Variants in TTC3 observed in about 807,000 individuals in gnomAD.
The protein encoded by TTC3 is tetratricopeptide repeat domain 3, also known as E3 ubiquitin-protein ligase TTC3.
In TTC3, 180 loss-of-function variants were observed where a neutral mutation model predicts 249.6. That is an observed-to-expected ratio of 0.72 (90% CI 0.64 to 0.82). The LOEUF is 0.82. Among genes scored for constraint, TTC3 ranks in the 40% least tolerant of loss-of-function variants. The pLI, the probability that TTC3 is intolerant of heterozygous loss-of-function variation, is 0.00. For synonymous variants in TTC3, 717 were observed against 805.0 expected, an observed-to-expected ratio of 0.89 and a Z score of 1.85; for missense variants, 2,061 against 2,398.4, an observed-to-expected ratio of 0.86 and a Z score of 2.94.
intron 27 of TTC3, among the ~76,000 whole-genome samples, chr21:37,154,450 A>G (rs2079797790): frequency 6.6e-6 from 1 of 152,210 alleles, no homozygotes; most frequent in African/African-American, 2.4e-5. Flanking sequence ...GTGATCCCGG[A>G]AAGTTATTTT....
At chr21:37,086,256 G>A (rs2072456974) in intron 1 of TTC3, 1 of 152,156 alleles carries the variant, frequency 6.6e-6, no homozygotes, top group African/African-American at 2.4e-5. Flanking sequence ...CCTAATAATA[G>A]TAGGATAATA....
In TTC3 at chr21:37,117,435, G is replaced by C. The variant is rs552959505; in HGVS notation, c.901-4382G>C. On this transcript the variant is annotated intron_variant, in intron 11 of 45. Coordinates refer to ENST00000355666, the Ensembl canonical transcript of TTC3. ...TTCTTTTGCTTGAAACAAAATCTTTGCTGATCCTTGAACCTGGTGTTTGAC... is the reference window on the plus strand; with the variant it reads ...TTCTTTTGCTTGAAACAAAATCTTTCCTGATCCTTGAACCTGGTGTTTGAC... Among the ~76,000 whole-genome samples, 223 of 152,146 alleles carry C rather than the reference G, an allele frequency of 1.5e-3. 2 individuals are homozygous for C. Among genetic ancestry groups the C allele is most frequent in the African/African-American group, 4.9e-3 (204 of 41,478 alleles).
intron 10 of TTC3, among the ~76,000 whole-genome samples, chr21:37,101,779 C>CT (rs61303390): frequency 0.015 from 2,226 of 146,402 alleles, 117 homozygotes; most frequent in Admixed American, 0.11. Flanking sequence ...GTACATCTTG[C>CT]TTTTTTTTTT....
At chr21:37,139,809 GA>G (rs5843794) in intron 19 of TTC3, among the ~76,000 whole-genome samples, 49,761 of 150,066 alleles carry the variant, frequency 0.33, 8,489 homozygotes, top group South Asian at 0.53. Flanking sequence ...GACTGATTTA[GA>G]AAAAAAAAAT....
exon 19 of TTC3, chr21:37,138,658 T>A (rs751204389): frequency 1.2e-6 from 2 of 1,612,204 alleles, no homozygotes. Flanking sequence ...CATGATTAAC[T>A]ATGTTTTGGT....
chr21:37,161,409 G>A (rs981179973), intron 30 of TTC3, among the ~76,000 whole-genome samples: 2 of 152,154 alleles, frequency 1.3e-5, no homozygotes, highest in African/African-American at 2.4e-5. Context: ...CCGAGTAGCC[G>A]GAATGACAGG....
At chr21:37,122,247 ATCCCTT>A (rs1161935920) in intron 12 of TTC3, among the ~76,000 whole-genome samples, 2 of 151,870 alleles carry the variant, frequency 1.3e-5, no homozygotes, top group Non-Finnish European at 2.9e-5. Context: ...AGAAAAAAAA[ATCCCTT>A]TCAGAAATTT....
chr21:37,138,593 A>T, intron 18 of TTC3, 41 bp from the exon 19 acceptor site: 1 of 1,444,114 alleles, frequency 6.9e-7, no homozygotes, highest in South Asian at 1.2e-5. Flanking sequence ...AATTGGGCAG[A>T]ATTATATTCA....
exon 35 of TTC3, chr21:37,172,689 T>C: frequency 1.2e-6 from 2 of 1,614,074 alleles, no homozygotes; most frequent in South Asian, 2.2e-5. Context: ...CTTAAGGGCT[T>C]AGAAGAGACC....
At chr21:37,197,095 C>T (rs1213351854) in intron 42 of TTC3, among the ~76,000 whole-genome samples, 1 of 152,126 alleles carries the variant, frequency 6.6e-6, no homozygotes, top group Non-Finnish European at 1.5e-5. Context: ...TGGCATGTGC[C>T]CTATTATTTC....
At chr21:37,094,673 C>A (rs899575198) in intron 8 of TTC3, among the ~76,000 whole-genome samples, 1 of 150,416 alleles carries the variant, frequency 6.6e-6, no homozygotes, top group Non-Finnish European at 1.5e-5. Flanking sequence ...AGTTAAAATT[C>A]TACTTTGCAT....
At chr21:37,075,931 TGTA>T (rs1236292358) in intron 1 of TTC3, among the ~76,000 whole-genome samples, 1 of 152,208 alleles carries the variant, frequency 6.6e-6, no homozygotes, top group African/African-American at 2.4e-5. Flanking sequence ...TCCATTTTAT[TGTA>T]GTATTTGATA....
intron 11 of TTC3, among the ~76,000 whole-genome samples, chr21:37,112,915 A>G (rs2075803360): frequency 6.6e-6 from 1 of 152,256 alleles, no homozygotes; most frequent in Non-Finnish European, 1.5e-5. Context: ...GTAATCCAGC[A>G]TATAAACAGA....
At chr21:37,198,155 A>T (rs563198638) in intron 44 of TTC3, 130 bp downstream of exon 44, 1 of 1,128,838 alleles carries the variant, frequency 8.9e-7, no homozygotes, top group African/African-American at 1.6e-5. Context: ...CTGAATTTCA[A>T]TGTACTTGAA....
intron 15 of TTC3, among the ~76,000 whole-genome samples, chr21:37,127,908 A>G (rs1290409087): frequency 6.6e-6 from 1 of 152,238 alleles, no homozygotes; most frequent in Non-Finnish European, 1.5e-5. Flanking sequence ...CCAACAGCAT[A>G]TAAAACATCT....
chr21:37,136,701 G>A (rs1056059259), intron 18 of TTC3, among the ~76,000 whole-genome samples: 1 of 152,210 alleles, frequency 6.6e-6, no homozygotes, highest in Non-Finnish European at 1.5e-5. Context: ...GTAAGTTATC[G>A]AGATCTAGTG....
At chr21:37,113,380 T>C (rs954400332) in intron 11 of TTC3, among the ~76,000 whole-genome samples, 1 of 152,170 alleles carries the variant, frequency 6.6e-6, no homozygotes, top group Non-Finnish European at 1.5e-5. Flanking sequence ...TCACAAGCAT[T>C]CTTACACACC....
exon 33 of TTC3, chr21:37,165,558 C>T: frequency 6.3e-7 from 1 of 1,584,120 alleles, no homozygotes. Flanking sequence ...AGTTACTTCT[C>T]TCAGTTTTTG....
At chr21:37,122,861 A>C in intron 12 of TTC3, 122 bp from the exon 13 acceptor site, 1 of 980,846 alleles carries the variant, frequency 1.0e-6, no homozygotes, top group East Asian at 2.5e-5. Flanking sequence ...GCTTAGATTT[A>C]CTTTTCAGTT....
Sources: gnomAD v4.1 joint callset for allele counts (sites outside exome capture counted in the v4.1 genomes callset) on GRCh38, gnomAD v4.1.1 for gene constraint, MANE v1.5 for transcripts, NCBI Gene and HGNC (gene_info 2026-07-23, HGNC 2026-07-21) for gene names.